DACH2: variants seen among roughly 807,000 people sequenced by gnomAD.
The protein encoded by DACH2 is dachshund family transcription factor 2, also known as dachshund homolog 2.
Under a neutral mutation model 35.8 loss-of-function variants are expected in DACH2, and 17 were observed. That is an observed-to-expected ratio of 0.48 (90% CI 0.33 to 0.71). DACH2 has a LOEUF of 0.71. Among genes scored for constraint, DACH2 ranks in the 30% least tolerant of loss-of-function variants. The pLI is 0.02. For missense variants in DACH2, 469 were observed against 472.7 expected (o/e 0.99, Z 0.07); for synonymous variants, 195 against 177.3 (o/e 1.10, Z -0.79).
chrX:86,661,598 TG>T (rs2040605783), intron 4 of DACH2, among the ~76,000 whole-genome samples: 1 of 112,461 alleles, frequency 8.9e-6, no homozygotes, highest in African/African-American at 3.2e-5. Flanking sequence ...CATGGCCATT[TG>T]GGTTGCTTCC....
chrX:86,239,772 T>C (rs1168970567), intron 1 of DACH2, among the ~76,000 whole-genome samples: 1 of 112,090 alleles, frequency 8.9e-6, no homozygotes, highest in African/African-American at 3.2e-5. Context: ...GATGATGCCA[T>C]ATAGCTTTAG....
At chrX:86,226,492 G>A (rs1457074894) in intron 1 of DACH2, among the ~76,000 whole-genome samples, 1 of 111,631 alleles carries the variant, frequency 9.0e-6, no homozygotes, top group Non-Finnish European at 1.9e-5. Context: ...GAGATAAGCT[G>A]TATGATACCG....
At chrX:86,693,540 G>A (rs1004771158) in intron 4 of DACH2, among the ~76,000 whole-genome samples, 74 of 111,870 alleles carry the variant, frequency 6.6e-4, no homozygotes, top group African/African-American at 2.1e-3. Context: ...GTGGATGAGC[G>A]GACAGGAAGC....
chrX:86,762,641 C>T (rs1463225115), intron 7 of DACH2, among the ~76,000 whole-genome samples: 1 of 111,544 alleles, frequency 9.0e-6, no homozygotes, highest in African/African-American at 3.3e-5. Context: ...GATGTCAACA[C>T]TCCACTTTTT....
chrX:86,591,679 A>G (rs1480250630), intron 3 of DACH2, among the ~76,000 whole-genome samples: 1 of 109,043 alleles, frequency 9.2e-6, no homozygotes, highest in East Asian at 2.9e-4. Context: ...CTGGGACTAC[A>G]GGCGTGCAAC....
intron 2 of DACH2, among the ~76,000 whole-genome samples, chrX:86,426,216 A>G (rs986234171): frequency 9.0e-6 from 1 of 110,895 alleles, no homozygotes; most frequent in East Asian, 2.8e-4. Flanking sequence ...CACTGCTGCA[A>G]TTTCCTTCTG....
At chrX:86,318,977 C>G (rs1408979032) in intron 1 of DACH2, among the ~76,000 whole-genome samples, 1 of 112,163 alleles carries the variant, frequency 8.9e-6, no homozygotes, top group African/African-American at 3.2e-5. Context: ...AGATTTTACC[C>G]TTGCATTAAT....
At chrX:86,287,984 A>AT (rs1158413999) in intron 1 of DACH2, among the ~76,000 whole-genome samples, 2 of 111,246 alleles carry the variant, frequency 1.8e-5, no homozygotes, top group Non-Finnish European at 3.8e-5. Context: ...AGTGTTAGGT[A>AT]TTTTTTGTAT....
At chrX:86,644,484 G>A (rs923291095) in intron 3 of DACH2, among the ~76,000 whole-genome samples, 3 of 111,206 alleles carry the variant, frequency 2.7e-5, no homozygotes, top group Non-Finnish European at 3.8e-5. Context: ...TAATTAAAAT[G>A]GCTAGACTGC....
chrX:86,342,647 A>G (rs1220278373), intron 1 of DACH2, among the ~76,000 whole-genome samples: 1 of 109,171 alleles, frequency 9.2e-6, no homozygotes, highest in East Asian at 2.9e-4. Context: ...TTTCTACTAA[A>G]AATACAAAAA....
At chrX:86,716,011 C>A (rs1219685047) in intron 6 of DACH2, among the ~76,000 whole-genome samples, 1 of 111,422 alleles carries the variant, frequency 9.0e-6, no homozygotes, top group African/African-American at 3.3e-5. Flanking sequence ...AAAGCATAAC[C>A]TTTGTAAGAA....
At chrX:86,387,728 A>C (rs2148114768) in intron 2 of DACH2, among the ~76,000 whole-genome samples, 1 of 111,869 alleles carries the variant, frequency 8.9e-6, no homozygotes, top group South Asian at 3.7e-4. Context: ...TATCTAGCAT[A>C]TTTTCCTGGC....
chrX:86,373,760 C>T (rs1004357090), intron 1 of DACH2, among the ~76,000 whole-genome samples: 2 of 111,280 alleles, frequency 1.8e-5, no homozygotes, highest in African/African-American at 6.5e-5. Flanking sequence ...AAGAGAATTG[C>T]TCCCTTTATT....
At chrX:86,278,431 G>A (rs2033959933) in intron 1 of DACH2, among the ~76,000 whole-genome samples, 1 of 111,986 alleles carries the variant, frequency 8.9e-6, no homozygotes, top group Non-Finnish European at 1.9e-5. Flanking sequence ...GCAGGATGCA[G>A]AAAGTGCTTT....
At chrX:86,806,446 G>T (rs1410664271) in intron 7 of DACH2, among the ~76,000 whole-genome samples, 2 of 111,669 alleles carry the variant, frequency 1.8e-5, no homozygotes, top group Non-Finnish European at 3.8e-5. Context: ...TGAGATTTGT[G>T]TAGTGACACA....
At chrX:86,245,871 C>T (rs2033271510) in intron 1 of DACH2, among the ~76,000 whole-genome samples, 1 of 111,381 alleles carries the variant, frequency 9.0e-6, no homozygotes, top group Admixed American at 9.6e-5. Flanking sequence ...TGGATAGTGA[C>T]AAAGATAATC....
Position 86,160,534 on chromosome X carries a change from A to G in DACH2, c.488+11426A>G, listed in dbSNP as rs1474168725. 4 of 525,945 alleles carry G rather than the reference A, an allele frequency of 7.6e-6. No individual in the cohort carries two copies. In the African/African-American group the frequency reaches 9.0e-5, roughly 12 times the overall value. The allele number at this position is 525,945 out of a possible 1,213,427, so 43.3% of individuals were successfully genotyped here. On this transcript the variant is annotated intron_variant, in intron 1 of 11. Transcript: ENST00000373125. ...TGCATGCAGTGTGAGCCATGTGGCA[A>G]TCCAGTACAGGAGTATAGCCAGCAC...
At chrX:86,414,021 G>A (rs186548184) in intron 2 of DACH2, among the ~76,000 whole-genome samples, 3 of 111,317 alleles carry the variant, frequency 2.7e-5, no homozygotes, top group Admixed American at 9.6e-5. Flanking sequence ...GTAAAAGGTC[G>A]GAGGTCTCCT....
chrX:86,756,058 T>A (rs1205603205), intron 7 of DACH2, among the ~76,000 whole-genome samples: 1 of 111,195 alleles, frequency 9.0e-6, no homozygotes, highest in Non-Finnish European at 1.9e-5. Flanking sequence ...ATGGGTGGAT[T>A]TATTTTTGGA....
Sources: allele counts gnomAD v4.1 joint callset (sites outside exome capture counted in the v4.1 genomes callset), GRCh38; gene constraint gnomAD v4.1.1; transcripts MANE v1.5; gene names NCBI Gene and HGNC (gene_info 2026-07-23, HGNC 2026-07-21).